COPE: variants seen among roughly 807,000 people sequenced by gnomAD.
COPE encodes coat protein complex I subunit epsilon.
In COPE, 19 loss-of-function variants were observed where a neutral mutation model predicts 42.1. The observed-to-expected ratio is 0.45, with a 90% CI of 0.31 to 0.66. The LOEUF (loss-of-function observed/expected upper bound fraction) is 0.66. Among genes scored for constraint, COPE ranks in the 30% least tolerant of loss-of-function variants. COPE has a pLI of 0.05. For missense variants in COPE, 402 were observed against 416.1 expected (o/e 0.97, Z 0.30); for synonymous variants, 195 against 181.3 (o/e 1.08, Z -0.60).
At chr19:18,910,730 C>T (rs533924138) in intron 3 of COPE, 5 of 572,594 alleles carry the variant, frequency 8.7e-6, no homozygotes, top group South Asian at 6.1e-5. Flanking sequence ...TCCATGAGGG[C>T]GTGTGCACAC....
intron 1 of COPE, among the ~76,000 whole-genome samples, chr19:18,915,960 G>T (rs1390166068): frequency 6.6e-6 from 1 of 152,222 alleles, no homozygotes; most frequent in Non-Finnish European, 1.5e-5. Context: ...GCCACCTCAG[G>T]TGGGGCTGAG....
rs534568052 is a variant in COPE, at chr19:18,905,522, T to C, written c.497+54A>G. On this transcript the variant is annotated intron_variant, in intron 5 of 9. Transcript: ENST00000262812. Reference sequence around the variant, plus strand: ...CGCTCTGGGCTGTGACGCTCTGGGCTGTGACGCTCTGGGCTGTGGCTCAGT... The same window carrying C: ...CGCTCTGGGCTGTGACGCTCTGGGCCGTGACGCTCTGGGCTGTGGCTCAGT... 6.0e-5 allele frequency: 92 copies of C among 1,522,338 alleles called. 3 individuals are homozygous for C. The South Asian group carries it at 1.1e-3, about 17-fold the overall frequency. 94.3% of individuals were successfully genotyped at this position (1,522,338 alleles called of 1,614,324 possible).
chr19:18,912,546 C>T (rs1408725151), intron 2 of COPE, among the ~76,000 whole-genome samples: 1 of 151,888 alleles, frequency 6.6e-6, no homozygotes, highest in African/African-American at 2.4e-5. Flanking sequence ...ATCATGAAGT[C>T]AGGAGTTCAA....
Position 18,900,783 on chromosome 19 carries a change from G to A in COPE, c.736-334C>T, listed in dbSNP as rs908451664. Among the ~76,000 whole-genome samples the A allele has an allele frequency of 2.6e-5, 4 of 152,276 alleles. No homozygotes were observed. The East Asian group carries it at 5.8e-4, about 22-fold the overall frequency. Reference sequence around the variant, plus strand: ...CAACTCCTGCTGTACAACGAACCCCGAGGCCATGGGCAGACCTGCCACCCC... The same window carrying A: ...CAACTCCTGCTGTACAACGAACCCCAAGGCCATGGGCAGACCTGCCACCCC... On this transcript the variant is annotated intron_variant, in intron 7 of 9. Transcript: ENST00000262812.
chr19:18,904,994 T>C (rs1379319743), intron 5 of COPE, 142 bp from the exon 6 acceptor site: 5 of 829,004 alleles, frequency 6.0e-6, no homozygotes, highest in Non-Finnish European at 9.6e-6. Flanking sequence ...ACCCCACGAC[T>C]AAGTGCCCGA....
intron 2 of COPE, 175 bp from the exon 3 acceptor site, chr19:18,911,246 G>C (rs1411461936): frequency 1.6e-6 from 1 of 619,532 alleles, no homozygotes; most frequent in East Asian, 2.8e-5. Context: ...GTCACCTGTC[G>C]TGAGCAGCCA....
intron 1 of COPE, 38 bp downstream of exon 1, chr19:18,919,185 T>TCCGCCC (rs1484682937): frequency 3.2e-6 from 5 of 1,582,034 alleles, no homozygotes; most frequent in South Asian, 2.3e-5. Flanking sequence ...GTCCTCCGCC[T>TCCGCCC]CCGCCCCCAG....
intron 7 of COPE, among the ~76,000 whole-genome samples, chr19:18,902,773 G>GA (rs1372921620): frequency 0.052 from 393 of 7,612 alleles, 84 homozygotes; most frequent in African/African-American, 0.19. Context: ...GGAAGGGAAA[G>GA]AAGGAAGGAA....
intron 1 of COPE, among the ~76,000 whole-genome samples, chr19:18,914,250 A>G (rs1024026251): frequency 3.3e-5 from 5 of 152,208 alleles, no homozygotes; most frequent in Non-Finnish European, 7.4e-5. Flanking sequence ...GCAAAGAAAC[A>G]TATTATAGGC....
chr19:18,909,029 C>T (rs1228535545), intron 3 of COPE, among the ~76,000 whole-genome samples: 1 of 152,198 alleles, frequency 6.6e-6, no homozygotes, highest in Non-Finnish European at 1.5e-5. Context: ...AAACCAATTA[C>T]TAATGGATGC....
intron 1 of COPE, among the ~76,000 whole-genome samples, chr19:18,917,128 T>C (rs1354269816): frequency 6.6e-6 from 1 of 150,470 alleles, no homozygotes; most frequent in East Asian, 1.9e-4. Context: ...ATTACTCCCA[T>C]CTCTGCTTCC....
At chr19:18,913,838 G>C (rs910040145) in intron 1 of COPE, among the ~76,000 whole-genome samples, 2 of 152,222 alleles carry the variant, frequency 1.3e-5, no homozygotes, top group Non-Finnish European at 2.9e-5. Flanking sequence ...GTCAGCAAGA[G>C]GGCCTGCCAG....
intron 5 of COPE, 64 bp downstream of exon 5, chr19:18,905,512 C>T (rs376746455): frequency 1.2e-5 from 18 of 1,472,822 alleles, no homozygotes; most frequent in South Asian, 5.0e-5. Flanking sequence ...TGGGCTGTGA[C>T]GCTCTGGGCT....
At chr19:18,912,943 T>G in intron 2 of COPE, 41 bp downstream of exon 2, 1 of 1,603,022 alleles carries the variant, frequency 6.2e-7, no homozygotes, top group South Asian at 1.1e-5. Flanking sequence ...CACCCTCTAC[T>G]CTGTTCATCA....
chr19:18,905,439 G>A lies in COPE; in HGVS notation c.497+137C>T, dbSNP rs774337869. The A allele has an allele frequency of 7.2e-5, 63 of 873,294 alleles. No individual in the cohort carries two copies. The South Asian group carries it at 8.1e-4, about 11-fold the overall frequency. The allele number at this position is 873,294 out of a possible 1,614,324, so 54.1% of individuals were successfully genotyped here. On this transcript the variant is annotated intron_variant, in intron 5 of 9. Coordinates refer to ENST00000262812, the MANE Select transcript of COPE (RefSeq NM_007263.4). Reference sequence around the variant, plus strand: ...AACATACTGCAGGGAAGGGCTGAACGACAGCAAGCCACCCCCATGGAAAGG... The same window carrying A: ...AACATACTGCAGGGAAGGGCTGAACAACAGCAAGCCACCCCCATGGAAAGG...
Position 18,900,368 on chromosome 19 carries a change from G to C in COPE, c.804+13C>G, listed in dbSNP as rs2056686426. ...GACATTAGGGTTGGCCTGGAGCCCT[G>C]GGGGCCGCTTACCTCAGGGGGCTTG... On this transcript the variant is annotated intron_variant, in intron 8 of 9. Transcript: ENST00000262812. 3 of 1,544,842 alleles carry C rather than the reference G, an allele frequency of 1.9e-6. No individual in the cohort carries two copies. The Middle Eastern group carries it at 5.0e-4, about 259-fold the overall frequency.
At chr19:18,904,366 C>T (rs2056738404) in intron 6 of COPE, among the ~76,000 whole-genome samples, 1 of 152,226 alleles carries the variant, frequency 6.6e-6, no homozygotes, top group Non-Finnish European at 1.5e-5. Flanking sequence ...GTGCCCAGGC[C>T]TGGGAGCTGA....
intron 5 of COPE, 78 bp downstream of exon 5, chr19:18,905,498 G>C (rs1403766977): frequency 7.6e-7 from 1 of 1,311,460 alleles, no homozygotes; most frequent in Non-Finnish European, 1.0e-6. Context: ...CACCACAGAC[G>C]CTCTGGGCTG....
chr19:18,918,424 G>T (rs1264936042), intron 1 of COPE, among the ~76,000 whole-genome samples: 1 of 152,088 alleles, frequency 6.6e-6, no homozygotes, highest in East Asian at 1.9e-4. Context: ...AACCTGTCTT[G>T]ACTGGCAAGC....
Sources: gnomAD v4.1 joint callset for allele counts (sites outside exome capture counted in the v4.1 genomes callset) on GRCh38, gnomAD v4.1.1 for gene constraint, MANE v1.5 for transcripts, NCBI Gene and HGNC (gene_info 2026-07-23, HGNC 2026-07-21) for gene names.